HYKK: variants seen among roughly 807,000 people sequenced by gnomAD.
HYKK encodes the protein 5-hydroxy-L-lysine kinase.
HYKK carries 19 observed loss-of-function variants against 29.7 expected under a neutral mutation model. That is an observed-to-expected ratio of 0.64 (90% confidence interval 0.45 to 0.94). HYKK has a LOEUF of 0.94. Among genes scored for constraint, HYKK ranks in the 40% least tolerant of loss-of-function variants. HYKK has a pLI of 0.00. For synonymous variants in HYKK, 152 were observed against 158.1 expected, an observed-to-expected ratio of 0.96 and a Z score of 0.29; for missense variants, 390 against 443.4, an observed-to-expected ratio of 0.88 and a Z score of 1.08.
intron 3 of HYKK, among the ~76,000 whole-genome samples, chr15:78,523,301 A>C (rs943178342): frequency 5.3e-5 from 8 of 152,158 alleles, no homozygotes; most frequent in African/African-American, 1.9e-4. Context: ...CAGGGGCAGG[A>C]GCAAGAGAGA....
At chr15:78,531,863 A>G (rs534236998) in intron 4 of HYKK, among the ~76,000 whole-genome samples, 1 of 152,248 alleles carries the variant, frequency 6.6e-6, no homozygotes, top group Non-Finnish European at 1.5e-5. Flanking sequence ...TTTTGAGTCA[A>G]TTATATAATA....
chr15:78,528,947 G>C, intron 4 of HYKK: 6 of 675,434 alleles, frequency 8.9e-6, no homozygotes, highest in Non-Finnish European at 1.1e-5. Context: ...CTTCAAACCT[G>C]TTTTTCCCCC....
At chr15:78,525,690 G>T (rs112814298) in intron 3 of HYKK, among the ~76,000 whole-genome samples, 2 of 151,496 alleles carry the variant, frequency 1.3e-5, no homozygotes, top group African/African-American at 4.9e-5. Context: ...GTAGAGACAG[G>T]GTTTCACCAT....
At chr15:78,524,786 G>A (rs991160537) in intron 3 of HYKK, among the ~76,000 whole-genome samples, 4 of 152,044 alleles carry the variant, frequency 2.6e-5, no homozygotes, top group African/African-American at 7.2e-5. Context: ...TCCAGCCTGG[G>A]CAACAGAGAG....
rs771813540 is a variant in HYKK at position 78,533,594 on chromosome 15, T to C, written c.1046T>C (p.Phe349Ser). ...KTGWKHLQQMFDMGQKAVEEI... is the reference protein window; with the variant it reads ...KTGWKHLQQMSDMGQKAVEEI... ...GGGTGGAAACACTTACAGCAAATGT[T>C]TGACATGGGTCAGAAAGCTGTAGAA... Residue 349 changes from phenylalanine to serine, a missense_variant, in exon 5 of 5, where the codon TTT (phenylalanine) becomes TCT (serine). By Grantham distance (155) the Phe-to-Ser change is radical (BLOSUM62 -2). Coordinates refer to ENST00000388988, the MANE Select transcript of HYKK (RefSeq NM_001013619.4). The C allele has an allele frequency of 2.7e-5, 43 of 1,614,112 alleles. No homozygotes were observed. The highest frequency in any genetic ancestry group is 3.5e-5 in the Non-Finnish European group (41 of 1,180,038).
intron 4 of HYKK, 134 bp from the exon 5 acceptor site, chr15:78,533,076 T>C: frequency 1.6e-6 from 1 of 632,828 alleles, no homozygotes; most frequent in Non-Finnish European, 2.7e-6. Context: ...AATTATTTTA[T>C]TTCAAGAAAA....
At chr15:78,523,888 G>T (rs971736241) in intron 3 of HYKK, among the ~76,000 whole-genome samples, 3 of 152,254 alleles carry the variant, frequency 2.0e-5, no homozygotes, top group Admixed American at 6.5e-5. Context: ...AAGGCAGACT[G>T]ATGCAAGGGA....
At chr15:78,529,726 G>T (rs1596034752) in intron 4 of HYKK, among the ~76,000 whole-genome samples, 2 of 152,156 alleles carry the variant, frequency 1.3e-5, no homozygotes, top group East Asian at 3.9e-4. Context: ...TCATTGATTT[G>T]TAGAAATGCT....
At chr15:78,518,091 C>T (rs1256253936) in intron 3 of HYKK, among the ~76,000 whole-genome samples, 1 of 152,256 alleles carries the variant, frequency 6.6e-6, no homozygotes, top group Non-Finnish European at 1.5e-5. Context: ...TCTACCTCCT[C>T]AACTCAGAGA....
chr15:78,515,755 A>ATG (rs1053505810), intron 3 of HYKK, among the ~76,000 whole-genome samples: 5 of 151,858 alleles, frequency 3.3e-5, no homozygotes, highest in Non-Finnish European at 7.4e-5. Flanking sequence ...CGCCCGGCTA[A>ATG]TTTTTTGTAT....
At chr15:78,518,776 A>G (rs2141357155) in intron 3 of HYKK, 1 of 323,312 alleles carries the variant, frequency 3.1e-6, no homozygotes, top group East Asian at 9.5e-5. Flanking sequence ...TTAGCCAGGT[A>G]TGGTGGCGGG....
chr15:78,526,867 G>T (rs548055601), intron 3 of HYKK, among the ~76,000 whole-genome samples: 1 of 152,328 alleles, frequency 6.6e-6, no homozygotes, highest in Admixed American at 6.5e-5. Context: ...GACCATGAGA[G>T]AATGCCAGCT....
intron 4 of HYKK, 196 bp downstream of exon 4, chr15:78,527,759 T>G: frequency 7.5e-7 from 1 of 1,340,478 alleles, no homozygotes; most frequent in Non-Finnish European, 9.6e-7. Flanking sequence ...AAACTTTACA[T>G]GAGTCTACCT....
At chr15:78,523,963 T>C (rs2052223982) in intron 3 of HYKK, among the ~76,000 whole-genome samples, 1 of 152,244 alleles carries the variant, frequency 6.6e-6, no homozygotes, top group South Asian at 2.1e-4. Context: ...CTGTGGCTGC[T>C]CTCAAGGGCT....
At chr15:78,518,683 C>T (rs561114401) in intron 3 of HYKK, 23 of 428,668 alleles carry the variant, frequency 5.4e-5, no homozygotes, top group African/African-American at 3.7e-4. Flanking sequence ...TTTGGGAGGC[C>T]GAGGCAGGTG....
chr15:78,531,614 C>T (rs2052313394), intron 4 of HYKK, among the ~76,000 whole-genome samples: 1 of 152,164 alleles, frequency 6.6e-6, no homozygotes, highest in Admixed American at 6.5e-5. Flanking sequence ...TCACTGCAAT[C>T]TCTGCATCCC....
intron 4 of HYKK, chr15:78,528,923 A>T (rs1019890198): frequency 6.8e-6 from 6 of 879,624 alleles, no homozygotes; most frequent in Non-Finnish European, 6.8e-6. Flanking sequence ...GTAAAAACAG[A>T]GTTGATTTTT....
rs1470407498 is a variant in HYKK, at chr15:78,534,907, ATC to A, written c.*1239_*1240del. On this transcript the variant is annotated 3_prime_UTR_variant, in exon 5 of 5. Transcript: ENST00000388988. ...AGCATATATTTTTTAATTCTCTATA[ATC>A]TGTTTCTTTTTGGATGACTATGAAG... 9.9e-5 allele frequency: 15 copies of A among 152,122 alleles called. No individual in the cohort carries two copies. The allele number at this position is 152,122 out of a possible 1,614,324, so 9.4% of individuals were successfully genotyped here.
chr15:78,510,197 CT>C (rs2052059426), intron 1 of HYKK, among the ~76,000 whole-genome samples: 1 of 127,384 alleles, frequency 7.9e-6, no homozygotes, highest in African/African-American at 3.0e-5. Flanking sequence ...ACTTTTCTTT[CT>C]TTTTGATGGA....
Sources: allele counts gnomAD v4.1 joint callset (sites outside exome capture counted in the v4.1 genomes callset), GRCh38; gene constraint gnomAD v4.1.1; transcripts MANE v1.5; gene names NCBI Gene and HGNC (gene_info 2026-07-23, HGNC 2026-07-21).